CDH6: variants seen among roughly 807,000 people sequenced by gnomAD.
CDH6 encodes cadherin 6, also known as cadherin-6.
A neutral mutation model predicts 78.0 loss-of-function variants in CDH6; 31 were observed. The ratio of observed to expected loss-of-function variants is 0.40; its 90% CI spans 0.30 to 0.54. CDH6 has a LOEUF of 0.54. Ranked by LOEUF, CDH6 falls within the 20% of genes least tolerant of loss-of-function variation. The pLI, the probability that CDH6 is intolerant of heterozygous loss-of-function variation, is 0.56. For synonymous variants in CDH6, 376 were observed against 368.8 expected, an observed-to-expected ratio of 1.02 and a Z score of -0.23; for missense variants, 724 against 975.9, an observed-to-expected ratio of 0.74 and a Z score of 3.44.
intron 11 of CDH6, among the ~76,000 whole-genome samples, chr5:31,322,610 A>G (rs3021427): frequency 0.5 from 75,861 of 152,032 alleles, 19,531 homozygotes; most frequent in East Asian, 0.57. Context: ...TACTTAAATT[A>G]TAACCTTCTT....
intron 1 of CDH6, among the ~76,000 whole-genome samples, chr5:31,253,757 A>G (rs751413074): frequency 2.0e-5 from 3 of 152,168 alleles, no homozygotes; most frequent in Admixed American, 1.3e-4. Context: ...GAAGAAACCT[A>G]ACTCAACTAT....
chr5:31,222,327 C>T lies in CDH6; in HGVS notation c.-129+28441C>T, dbSNP rs150651438. Among the ~76,000 whole-genome samples, 14 of 152,226 alleles carry T rather than the reference C, an allele frequency of 9.2e-5. 2 individuals carry two copies. Among genetic ancestry groups the T allele is most frequent in the African/African-American group, 2.9e-4 (12 of 41,538 alleles). On this transcript the variant is annotated intron_variant, in intron 1 of 11. Coordinates refer to ENST00000265071, the MANE Select transcript of CDH6 (RefSeq NM_004932.4). ...TGCCACCTTGTAAAAGTGATTGATA[C>T]AGGTATAAAGTTTGCCCTGCATATA...
Position 31,294,309 on chromosome 5 carries a change from T to C in CDH6, c.523+53T>C. On this transcript the variant is annotated intron_variant, in intron 3 of 11. Transcript: ENST00000265071. This position sits in a 1 kb window ranked among gnomAD's most constrained non-coding sequence, Gnocchi z 4.1. ...GCTGGCTTTCCCCTAGTGCATCCACTGAGTAAGGAATCCCACGAGCTCAAA... is the reference window on the plus strand; with the variant it reads ...GCTGGCTTTCCCCTAGTGCATCCACCGAGTAAGGAATCCCACGAGCTCAAA... 6.8e-7 allele frequency: 1 copy of C among 1,463,372 alleles called. No homozygotes were observed. Among genetic ancestry groups the C allele is most frequent in the African/African-American group, 1.4e-5 (1 of 71,186 alleles). 90.6% of individuals were successfully genotyped at this position (1,463,372 alleles called of 1,614,324 possible).
intron 1 of CDH6, among the ~76,000 whole-genome samples, chr5:31,239,870 T>C (rs540933658): frequency 1.3e-5 from 2 of 152,328 alleles, no homozygotes; most frequent in South Asian, 2.1e-4. Context: ...CAGGGGATGG[T>C]CTACCCCTCT....
chr5:31,272,747 A>G (rs1430052953), intron 2 of CDH6, among the ~76,000 whole-genome samples: 1 of 152,202 alleles, frequency 6.6e-6, no homozygotes, highest in Non-Finnish European at 1.5e-5. Flanking sequence ...TATACATAAG[A>G]CCAGCCTCCA....
At chr5:31,212,943 T>C (rs1453516451) in intron 1 of CDH6, among the ~76,000 whole-genome samples, 1 of 152,198 alleles carries the variant, frequency 6.6e-6, no homozygotes, top group Admixed American at 6.5e-5. Context: ...CCCGTAGTCA[T>C]TTATTCATAC....
chr5:31,316,341 T>TA lies in CDH6; in HGVS notation c.1512+17dup. ...CAAAGGCAGATCAGGTGAGTTTCAT[T>TA]AAAAAGTATATTCAAGTTGAACATC... On this transcript the variant is annotated intron_variant, in intron 9 of 11. Transcript: ENST00000265071. 1.9e-6 allele frequency: 3 copies of TA among 1,602,858 alleles called. No homozygotes were observed. The highest frequency in any genetic ancestry group is 2.6e-6 in the Non-Finnish European group (3 of 1,176,102).
At chr5:31,257,475 T>G (rs1742089479) in intron 1 of CDH6, among the ~76,000 whole-genome samples, 1 of 152,248 alleles carries the variant, frequency 6.6e-6, no homozygotes, top group Non-Finnish European at 1.5e-5. Context: ...ATGTTCGTTT[T>G]TATAGTCATT....
At chr5:31,246,940 G>A (rs7707788) in intron 1 of CDH6, among the ~76,000 whole-genome samples, 11,473 of 152,054 alleles carry the variant, frequency 0.075, 821 homozygotes, top group African/African-American at 0.18. Flanking sequence ...TAGTAGAGAC[G>A]GGGTTTCACC....
At position 31,292,591 on chromosome 5, in the gene CDH6, A is replaced by G. The variant is rs57208059; in HGVS notation, c.229-1371A>G. Reference sequence around the variant, plus strand: ...CATATTCTGTTTAGACAGAATTGAAACAAGGTAGAGAGTAGCAGCCTTCCC... The same window carrying G: ...CATATTCTGTTTAGACAGAATTGAAGCAAGGTAGAGAGTAGCAGCCTTCCC... On this transcript the variant is annotated intron_variant, in intron 2 of 11. Coordinates refer to ENST00000265071, the MANE Select transcript of CDH6 (RefSeq NM_004932.4). Among the ~76,000 whole-genome samples, 974 of 152,170 alleles carry G rather than the reference A, an allele frequency of 6.4e-3. 11 individuals carry two copies. The highest frequency in any genetic ancestry group is 0.023 in the African/African-American group (935 of 41,508).
rs954411372 is a variant in CDH6 at position 31,322,834 on chromosome 5, T to C, written c.1899T>C (p.Phe633=). Residue 633 remains phenylalanine, a synonymous_variant, in exon 12 of 12, where the codon TTT becomes TTC. Coordinates refer to ENST00000265071, the MANE Select transcript of CDH6 (RefSeq NM_004932.4). ...IVILLVTVVL[F]AALRRQRKKE... is the part of the protein sequence containing the mutation. ...TGCTTCCAGTGACAGTGGTGCTGTT[T>C]GCAGCTCTGAGGCGGCAGCGAAAAA... The C allele has an allele frequency of 6.2e-7, 1 of 1,613,286 alleles. No homozygotes were observed. Among genetic ancestry groups the C allele is most frequent in the African/African-American group, 1.3e-5 (1 of 74,878 alleles).
At chr5:31,236,594 C>T (rs540596328) in intron 1 of CDH6, among the ~76,000 whole-genome samples, 1 of 152,256 alleles carries the variant, frequency 6.6e-6, no homozygotes, top group East Asian at 1.9e-4. Flanking sequence ...TCCTCTCCAA[C>T]TTTGGCTGGC....
intron 7 of CDH6, 115 bp from the exon 8 acceptor site, chr5:31,313,203 T>C: frequency 1.1e-6 from 1 of 911,284 alleles, no homozygotes; most frequent in East Asian, 2.5e-5. Context: ...TGGAAAAAAA[T>C]TTATGCCACA....
At position 31,267,377 on chromosome 5, in the gene CDH6, A is replaced by T; in HGVS notation, c.-97A>T. ...TCTGAGAGCCAAGCAAAGAACATTAAGGAAGGAAGGAGGAATGAGGCTGGA... is the reference window on the plus strand; with the variant it reads ...TCTGAGAGCCAAGCAAAGAACATTATGGAAGGAAGGAGGAATGAGGCTGGA... On this transcript the variant is annotated 5_prime_UTR_variant, in exon 2 of 12. It adds an upstream start codon to the 5' untranslated region. Coordinates refer to ENST00000265071, the MANE Select transcript of CDH6 (RefSeq NM_004932.4). 1.2e-6 allele frequency: 1 copy of T among 818,976 alleles called. No homozygotes were observed. Among genetic ancestry groups the T allele is most frequent in the Non-Finnish European group, 2.0e-6 (1 of 489,098 alleles). The allele number at this position is 818,976 out of a possible 1,614,324, so 50.7% of individuals were successfully genotyped here.
At chr5:31,310,023 A>G (rs186087545) in intron 7 of CDH6, among the ~76,000 whole-genome samples, 2 of 152,266 alleles carry the variant, frequency 1.3e-5, no homozygotes, top group African/African-American at 4.8e-5. Flanking sequence ...TTCAAAACCA[A>G]TCATGCATTC....
At chr5:31,226,400 C>T (rs959255605) in intron 1 of CDH6, among the ~76,000 whole-genome samples, 1 of 152,196 alleles carries the variant, frequency 6.6e-6, no homozygotes, top group Admixed American at 6.5e-5. Flanking sequence ...GTCTCAAACT[C>T]CTAACCTCAG....
At chr5:31,250,801 C>G (rs539324299) in intron 1 of CDH6, 1 of 153,166 alleles carries the variant, frequency 6.5e-6, no homozygotes, top group African/African-American at 2.4e-5. Context: ...CGGGCACCAC[C>G]AGCTGCAGAG....
chr5:31,216,930 T>G (rs748508841), intron 1 of CDH6, among the ~76,000 whole-genome samples: 16 of 152,096 alleles, frequency 1.1e-4, no homozygotes, highest in Non-Finnish European at 2.2e-4. Flanking sequence ...TCCATAAACT[T>G]TTTCTGGTTG....
At chr5:31,316,545 T>C (rs1738329706) in intron 9 of CDH6, among the ~76,000 whole-genome samples, 2 of 152,206 alleles carry the variant, frequency 1.3e-5, no homozygotes, top group Admixed American at 1.3e-4. Flanking sequence ...TGATTCCAAA[T>C]CGATCTTAAG....
Sources: gnomAD v4.1 joint callset for allele counts (sites outside exome capture counted in the v4.1 genomes callset) on GRCh38, gnomAD v4.1.1 for gene constraint, Gnocchi (gnomAD v3.1) non-coding constraint, MANE v1.5 for transcripts, NCBI Gene and HGNC (gene_info 2026-07-23, HGNC 2026-07-21) for gene names.